Variants in DICER1 observed in about 807,000 individuals in gnomAD.
The protein encoded by DICER1 is dicer 1, ribonuclease III.
DICER1 carries 43 observed loss-of-function variants against 194.1 expected under a neutral mutation model. The observed-to-expected ratio is 0.22, with a 90% CI of 0.17 to 0.29. The LOEUF (loss-of-function observed/expected upper bound fraction) is 0.29, where lower values mean the gene tolerates loss of function less well. DICER1 is among the 10% of genes least tolerant of loss of function. The probability of loss-of-function intolerance (pLI) is 1.00; values close to 1 mark genes in which losing one functional copy is unlikely to be tolerated. For synonymous variants in DICER1, 832 were observed against 820.5 expected (o/e 1.01, Z -0.24); for missense variants, 1,608 against 2,317.0 (o/e 0.69, Z 6.28).
chr14:95,155,586 ATACAG>A (rs1289048198), intron 1 of DICER1, among the ~76,000 whole-genome samples: 3 of 121,008 alleles, frequency 2.5e-5, no homozygotes, highest in African/African-American at 1.4e-4. Flanking sequence ...CACGGGCAAA[ATACAG>A]CAGAGCAGTC....
intron 15 of DICER1, 79 bp from the exon 16 acceptor site, chr14:95,108,172 T>A: frequency 7.5e-7 from 1 of 1,336,534 alleles, no homozygotes; most frequent in Non-Finnish European, 1.1e-6. Context: ...AGAACAGAAA[T>A]GATGCTTTCT....
intron 21 of DICER1, among the ~76,000 whole-genome samples, chr14:95,103,034 C>A (rs961538568): frequency 1.3e-5 from 2 of 152,204 alleles, no homozygotes; most frequent in Non-Finnish European, 2.9e-5. Flanking sequence ...ATATCCCCCT[C>A]AGGATCAAGG....
Position 95,131,511 on chromosome 14 carries a change from G to C in DICER1, c.436C>G (p.Gln146Glu), listed in dbSNP as rs2140278436. 6.2e-7 allele frequency: 1 copy of C among 1,613,270 alleles called. No homozygotes were observed. Among genetic ancestry groups the C allele is most frequent in the Non-Finnish European group, 8.5e-7 (1 of 1,179,272 alleles). The part of the protein sequence containing the change: ...ERWNQEFTKH[Q>E]VLIMTCYVAL... ...TGAAATTTCTCTACAAGTCTTACCT[G>C]GTGCTTAGTAAACTCTTGGTTCCAT... The change falls in exon 4 of 27, where the codon CAG (glutamine) becomes GAG (glutamate). Residue 146 changes from glutamine (Q) to glutamate (E), a missense_variant and splice_region_variant. Around this residue, in one of 10 missense-constraint regions of DICER1, gnomAD observed 657 missense variants for 910.1 expected, o/e 0.72. Transcript: ENST00000343455.
chr14:95,117,889 T>TC, intron 8 of DICER1, 135 bp from the exon 9 acceptor site: 1 of 782,286 alleles, frequency 1.3e-6, no homozygotes, highest in Non-Finnish European at 2.1e-6. Flanking sequence ...GGTCCTTTTT[T>TC]CCCAACTTGC....
In DICER1 at chr14:95,115,704, G is replaced by C. The variant is rs754818927; in HGVS notation, c.1870C>G (p.Arg624Gly). The C allele has an allele frequency of 1.9e-6, 3 of 1,614,060 alleles. No individual in the cohort carries two copies. The highest frequency in any genetic ancestry group is 2.5e-6 in the Non-Finnish European group (3 of 1,179,998). ...YVLRPDDGGPRVTINTAIGHI... is the reference protein window; with the variant it reads ...YVLRPDDGGPGVTINTAIGHI... ...CCAATGGCCGTGTTGATTGTGACTCGTGGACCACCATCGTCAGGCCTCAAC... is the reference window on the plus strand; with the variant it reads ...CCAATGGCCGTGTTGATTGTGACTCCTGGACCACCATCGTCAGGCCTCAAC... Residue 624 changes from arginine to glycine, a missense_variant, in exon 11 of 27, where the codon CGA becomes GGA. This residue lies in a region of DICER1 where 657 missense variants were observed against 910.1 expected (regional missense o/e 0.72). Coordinates refer to ENST00000343455, the MANE Select transcript of DICER1 (RefSeq NM_177438.3).
At chr14:95,134,963 G>A (rs1894246954) in intron 1 of DICER1, among the ~76,000 whole-genome samples, 3 of 152,120 alleles carry the variant, frequency 2.0e-5, no homozygotes, top group African/African-American at 7.2e-5. Flanking sequence ...TTTTACCCTA[G>A]TACCCAAGCC....
At chr14:95,125,487 T>G (rs1370269974) in intron 7 of DICER1, among the ~76,000 whole-genome samples, 1 of 127,806 alleles carries the variant, frequency 7.8e-6, no homozygotes, top group Non-Finnish European at 1.6e-5. Flanking sequence ...AGGGTGTAAC[T>G]GAGGAATTGA....
In DICER1 at chr14:95,124,720, A is replaced by T; in HGVS notation, c.904-52T>A. 1 of 1,435,454 alleles carries T rather than the reference A, an allele frequency of 7.0e-7. No individual in the cohort carries two copies. The highest frequency in any genetic ancestry group is 9.8e-7 in the Non-Finnish European group (1 of 1,021,570). 88.9% of individuals were successfully genotyped at this position (1,435,454 alleles called of 1,614,324 possible). A position where few individuals can be genotyped will look rare whatever the true frequency, so the allele number is the denominator to read the frequency against. On this transcript the variant is annotated intron_variant, in intron 7 of 26. Coordinates refer to ENST00000343455, the MANE Select transcript of DICER1 (RefSeq NM_177438.3). This position sits in a 1 kb window ranked among gnomAD's most constrained non-coding sequence, Gnocchi z 4.5. The stretch of plus-strand genomic sequence containing the variant: ...TAATGCCAAATAATAATAATGTAGC[A>T]TTTTCATGTGGGGTTTAACTGGGAT...
At chr14:95,113,361 C>T (rs546813323) in intron 11 of DICER1, 137 bp from the exon 12 acceptor site, 3 of 846,814 alleles carry the variant, frequency 3.5e-6, no homozygotes, top group South Asian at 1.5e-5. Flanking sequence ...AACTTTACTG[C>T]TTCAAACTTC....
chr14:95,107,901 A>T lies in DICER1; in HGVS notation c.2629T>A (p.Cys877Ser), dbSNP rs1411395826. 3.1e-6 allele frequency: 5 copies of T among 1,614,004 alleles called. No homozygotes were observed. ...TTACCAACATTAAGAGGTAGAACAC[A>T]GTATGCTGAATCAGCGTCTGTAGGT... ...FKPTDADSAY[C>S]VLPLNVVNDS... The change falls in exon 16 of 27, where the codon TGT (cysteine) becomes AGT (serine). Residue 877 changes from cysteine to serine, a missense_variant. Cys to Ser is a moderately radical substitution (Grantham distance 112). This residue lies in a region of DICER1 where 150 missense variants were observed against 216.0 expected (regional missense o/e 0.69). Transcript: ENST00000343455.
rs894101459 is a variant in DICER1, at chr14:95,124,808, G to T, written c.904-140C>A. ...GCCTTAGGTTAAGTCCCTGAAGGTGGGGGGAGAGGCCATTAGCCTTTTCAA... is the reference window on the plus strand; with the variant it reads ...GCCTTAGGTTAAGTCCCTGAAGGTGTGGGGAGAGGCCATTAGCCTTTTCAA... On this transcript the variant is annotated intron_variant, in intron 7 of 26. Transcript: ENST00000343455. This position sits in a 1 kb window ranked among gnomAD's most constrained non-coding sequence, Gnocchi z 4.5. The T allele has an allele frequency of 2.8e-6, 2 of 704,156 alleles. No homozygotes were observed. The highest frequency in any genetic ancestry group is 2.4e-6 in the Non-Finnish European group (1 of 415,430). 43.6% of individuals were successfully genotyped at this position (704,156 alleles called of 1,614,324 possible). A position where few individuals can be genotyped will look rare whatever the true frequency, so the allele number is the denominator to read the frequency against.
rs1196046363 is a variant in DICER1 at position 95,099,896 on chromosome 14, C to T, written c.4090G>A (p.Gly1364Arg). 1 of 1,613,988 alleles carries T rather than the reference C, an allele frequency of 6.2e-7. No homozygotes were observed. The highest frequency in any genetic ancestry group is 1.7e-5 in the Admixed American group (1 of 60,008). ...GACACCACCATGCGGCTGGGTAGTC[C>T]CTTCTTTTTTCCAAGGCGATACAGA... ...CNLYRLGKKK[G>R]LPSRMVVSIF... The change falls in exon 22 of 27, where the codon GGA (glycine) becomes AGA (arginine). Residue 1364 changes from glycine (G) to arginine (R), a missense_variant. Around this residue, in one of 10 missense-constraint regions of DICER1, gnomAD observed 58 missense variants for 125.7 expected, o/e 0.46. Coordinates refer to ENST00000343455, the MANE Select transcript of DICER1 (RefSeq NM_177438.3).
chr14:95,103,549 T>A lies in DICER1; in HGVS notation c.3847A>T (p.Ile1283Phe). 1.2e-6 allele frequency: 2 copies of A among 1,614,104 alleles called. No individual in the cohort carries two copies. Among genetic ancestry groups the A allele is most frequent in the Non-Finnish European group, 1.7e-6 (2 of 1,179,996 alleles). ...GRMDSEQSPSIGYSSRTLGPN... is the reference protein window; with the variant it reads ...GRMDSEQSPSFGYSSRTLGPN... ...CCAAGAGTCCTTGAGGAGTACCCAA[T>A]AGAAGGGCTCTGCTCAGAATCCATC... is the stretch of plus-strand genomic sequence containing the variant. Residue 1283 changes from isoleucine to phenylalanine, a missense_variant, in exon 21 of 27, where the codon ATT (isoleucine) becomes TTT (phenylalanine). Transcript: ENST00000343455.
At chr14:95,143,741 A>G (rs1168208973) in intron 1 of DICER1, among the ~76,000 whole-genome samples, 1 of 152,166 alleles carries the variant, frequency 6.6e-6, no homozygotes, top group African/African-American at 2.4e-5. Flanking sequence ...CAATAATAAC[A>G]TTGTTTTCTT....
In DICER1 at chr14:95,088,524, A is replaced by G. The variant is rs893509680; in HGVS notation, c.*1974T>C. The G allele has an allele frequency of 1.3e-5, 3 of 232,212 alleles. No individual in the cohort carries two copies. Among genetic ancestry groups the G allele is most frequent in the African/African-American group, 6.6e-5 (3 of 45,286 alleles). 14.4% of individuals were successfully genotyped at this position (232,212 alleles called of 1,614,324 possible). A position where few individuals can be genotyped will look rare whatever the true frequency, so the allele number is the denominator to read the frequency against. On this transcript the variant is annotated 3_prime_UTR_variant, in exon 27 of 27. Coordinates refer to ENST00000343455, the MANE Select transcript of DICER1 (RefSeq NM_177438.3). ...GCACACTTTTACAGTTATATAATTCAAGAATTGCTTTGTTTTAACTGGTCA... is the reference window on the plus strand; with the variant it reads ...GCACACTTTTACAGTTATATAATTCGAGAATTGCTTTGTTTTAACTGGTCA...
chr14:95,103,345 C>T lies in DICER1; in HGVS notation c.4050+1G>A, dbSNP rs875989783. On this transcript the variant is annotated splice_donor_variant, in intron 21 of 26. Transcript: ENST00000343455. LOFTEE classifies it high-confidence loss of function. ...CTCAAAATAAAAAAATCATCTCTTA[C>T]CTTTTTGCTTCTCATATATGAAAGG... is the stretch of plus-strand genomic sequence containing the variant. The T allele has an allele frequency of 6.2e-7, 1 of 1,614,002 alleles. No individual in the cohort carries two copies. The highest frequency in any genetic ancestry group is 1.1e-5 in the South Asian group (1 of 91,086).
intron 26 of DICER1, 27 bp downstream of exon 26, chr14:95,091,007 T>C: frequency 6.3e-7 from 1 of 1,597,278 alleles, no homozygotes; most frequent in South Asian, 1.1e-5. Context: ...TAAGTTAATG[T>C]TTTTTCCATG....
chr14:95,086,242 CTT>C lies in DICER1; in HGVS notation c.*4254_*4255del. The C allele has an allele frequency of 4.3e-6, 1 of 231,938 alleles. No homozygotes were observed. Among genetic ancestry groups the C allele is most frequent in the Non-Finnish European group, 8.5e-6 (1 of 117,366 alleles). 14.4% of individuals were successfully genotyped at this position (231,938 alleles called of 1,614,324 possible). ...AGGACACAAAGTGAACAGACGATAA[CTT>C]TATTGGAGATTTACTTGGCTACAAT... On this transcript the variant is annotated 3_prime_UTR_variant, in exon 27 of 27. Coordinates refer to ENST00000343455, the MANE Select transcript of DICER1 (RefSeq NM_177438.3).
Position 95,106,109 on chromosome 14 carries a change from T to G in DICER1, c.2919A>C (p.Lys973Asn), listed in dbSNP as rs1555370297. The change falls in exon 18 of 27, where the codon AAA becomes AAC. Residue 973 changes from lysine (K) to asparagine (N), a missense_variant. Physicochemically the swap from Lys to Asn is moderately conservative, Grantham distance 94 (BLOSUM62 0). Coordinates refer to ENST00000343455, the MANE Select transcript of DICER1 (RefSeq NM_177438.3). ...TGGTTAGGTCAAGGTTGTACTTTGT[T>G]TTATAATATTCTGCAAAAGTTTCAT... The part of the protein sequence containing the change: ...PEYETFAEYY[K>N]TKYNLDLTNL... 3 of 1,614,196 alleles carry G rather than the reference T, an allele frequency of 1.9e-6. No individual in the cohort carries two copies. Among genetic ancestry groups the G allele is most frequent in the Non-Finnish European group, 2.5e-6 (3 of 1,180,028 alleles).
Sources: allele counts gnomAD v4.1 joint callset (sites outside exome capture counted in the v4.1 genomes callset), GRCh38; gene constraint gnomAD v4.1.1; regional missense constraint gnomAD v4.1.1; non-coding constraint Gnocchi (gnomAD v3.1); transcripts MANE v1.5; gene names NCBI Gene and HGNC (gene_info 2026-07-23, HGNC 2026-07-21).